GDA: variants seen among roughly 807,000 people sequenced by gnomAD.
GDA encodes guanine deaminase, also known as cytoplasmic PSD-95 interactor.
A neutral mutation model predicts 59.6 loss-of-function variants in GDA; 18 were observed. The observed-to-expected ratio is 0.30, with a 90% CI of 0.21 to 0.45. The LOEUF is 0.45. Ranked by LOEUF, GDA falls within the 20% of genes least tolerant of loss-of-function variation. The probability of loss-of-function intolerance (pLI) is 1.00; values close to 1 mark genes in which losing one functional copy is unlikely to be tolerated. For synonymous variants in GDA, 201 were observed against 201.1 expected (o/e 1.00, Z 0.00); for missense variants, 427 against 552.3 (o/e 0.77, Z 2.27).
chr9:72,158,390 G>A (rs1372165711), intron 1 of GDA, among the ~76,000 whole-genome samples: 2 of 151,966 alleles, frequency 1.3e-5, no homozygotes, highest in Non-Finnish European at 2.9e-5. Flanking sequence ...TCAGGAGATC[G>A]AGACCATCCT....
intron 1 of GDA, among the ~76,000 whole-genome samples, chr9:72,168,499 A>G (rs1034537547): frequency 6.8e-6 from 1 of 146,758 alleles, no homozygotes; most frequent in African/African-American, 2.5e-5. Flanking sequence ...GGTTCAAATG[A>G]TTCTTGTGTC....
intron 7 of GDA, among the ~76,000 whole-genome samples, chr9:72,224,863 G>C: frequency 6.9e-6 from 1 of 144,074 alleles, no homozygotes; most frequent in Admixed American, 7.1e-5. Context: ...AGAAAAGAAT[G>C]ACTTTCTCTA....
At chr9:72,223,039 A>G in intron 6 of GDA, 81 bp from the exon 7 acceptor site, 1 of 775,748 alleles carries the variant, frequency 1.3e-6, no homozygotes, top group Non-Finnish European at 2.2e-6. Flanking sequence ...TCGGTTTTAC[A>G]TTTATGTCTT....
intron 6 of GDA, among the ~76,000 whole-genome samples, chr9:72,222,247 T>A (rs532183257): frequency 6.6e-6 from 1 of 152,306 alleles, no homozygotes; most frequent in South Asian, 2.1e-4. Context: ...TTTAATAATA[T>A]CCATTCTGAC....
intron 6 of GDA, among the ~76,000 whole-genome samples, chr9:72,221,824 C>T (rs549535089): frequency 6.6e-6 from 1 of 152,308 alleles, no homozygotes; most frequent in South Asian, 2.1e-4. Flanking sequence ...ACTTTCCCTT[C>T]CTGCGTTAGT....
chr9:72,192,872 CCTT>C (rs1277346948), intron 1 of GDA, among the ~76,000 whole-genome samples: 1 of 151,304 alleles, frequency 6.6e-6, no homozygotes, highest in African/African-American at 2.5e-5. Flanking sequence ...GAGTGAGACT[CCTT>C]CTCAAAACAA....
intron 12 of GDA, among the ~76,000 whole-genome samples, chr9:72,245,503 G>A (rs1280316796): frequency 6.6e-6 from 1 of 152,174 alleles, no homozygotes; most frequent in African/African-American, 2.4e-5. Context: ...GTATTTGAAT[G>A]TATTTGGCTA....
At chr9:72,206,219 A>G (rs1379719279) in intron 3 of GDA, among the ~76,000 whole-genome samples, 1 of 152,096 alleles carries the variant, frequency 6.6e-6, no homozygotes, top group Non-Finnish European at 1.5e-5. Context: ...TATCTCTATG[A>G]GATGAAGTTG....
At chr9:72,138,796 T>C (rs1826337966) in intron 1 of GDA, among the ~76,000 whole-genome samples, 1 of 152,214 alleles carries the variant, frequency 6.6e-6, no homozygotes, top group Non-Finnish European at 1.5e-5. Context: ...ACCTGGCATA[T>C]ACAAGGCGCT....
chr9:72,121,323 C>T (rs1032983837), intron 1 of GDA, among the ~76,000 whole-genome samples: 6 of 152,028 alleles, frequency 3.9e-5, no homozygotes, highest in African/African-American at 4.8e-5. Flanking sequence ...CTTGGCTGGG[C>T]GCAGTGGCTC....
chr9:72,178,885 T>A (rs1050607493), intron 1 of GDA, among the ~76,000 whole-genome samples: 3 of 152,226 alleles, frequency 2.0e-5, no homozygotes, highest in Non-Finnish European at 4.4e-5. Context: ...TTTGACATTT[T>A]AAAAATTTTC....
At chr9:72,234,537 G>A (rs757741928) in intron 10 of GDA, among the ~76,000 whole-genome samples, 18 of 152,124 alleles carry the variant, frequency 1.2e-4, no homozygotes, top group South Asian at 8.3e-4. Context: ...GATGATAGAA[G>A]GTGTTTGAGG....
chr9:72,170,718 G>C (rs1009139246), intron 1 of GDA, among the ~76,000 whole-genome samples: 2 of 152,196 alleles, frequency 1.3e-5, no homozygotes, highest in Admixed American at 6.5e-5. Flanking sequence ...TTTAAGGAGT[G>C]CTTGCTGTGT....
At chr9:72,146,602 T>C (rs1344013988), upstream of GDA, among the ~76,000 whole-genome samples, 1 of 152,174 alleles carries the variant, frequency 6.6e-6, no homozygotes, top group Non-Finnish European at 1.5e-5. Context: ...GCGATTCTCC[T>C]GCTTCAGCCT....
Position 72,140,626 on chromosome 9 carries a change from A to C in GDA, c.-100+25793A>C, listed in dbSNP as rs576666503. 2.6e-5 allele frequency among the ~76,000 whole-genome samples: 4 copies of C among 152,284 alleles called. No homozygotes were observed. In the East Asian group the frequency reaches 7.7e-4, roughly 29 times the overall value. On this transcript the variant is annotated intron_variant, in intron 1 of 13. Coordinates refer to the GDA transcript ENST00000545168. Reference sequence around the variant, plus strand: ...GTAAAAATTATACATATTAATGATAAAATTGATGTTGTCATATTATGTGTT... The same window carrying C: ...GTAAAAATTATACATATTAATGATACAATTGATGTTGTCATATTATGTGTT...
At chr9:72,184,196 A>G (rs1436906092) in intron 1 of GDA, among the ~76,000 whole-genome samples, 2 of 152,230 alleles carry the variant, frequency 1.3e-5, no homozygotes, top group Admixed American at 1.3e-4. Flanking sequence ...CAACTGATAA[A>G]CCTACATTGT....
chr9:72,179,259 G>A (rs1007409949), intron 1 of GDA, among the ~76,000 whole-genome samples: 3 of 152,160 alleles, frequency 2.0e-5, no homozygotes, highest in Non-Finnish European at 2.9e-5. Context: ...GTCCTGAAAT[G>A]CCACTCTGGT....
rs571970710 is a variant in GDA, at chr9:72,151,204, G to A, written c.123+1522G>A. 1.7e-4 allele frequency among the ~76,000 whole-genome samples: 26 copies of A among 152,284 alleles called. 2 individuals carry two copies. The South Asian group carries it at 5.4e-3, about 32-fold the overall frequency. On this transcript the variant is annotated intron_variant, in intron 1 of 13. Transcript: ENST00000358399. Reference sequence around the variant, plus strand: ...ACACACAATTAGTAGTTGAGTCAGGGAGTCTATTCCTCACTAAAAATCATA... The same window carrying A: ...ACACACAATTAGTAGTTGAGTCAGGAAGTCTATTCCTCACTAAAAATCATA...
At chr9:72,122,952 G>C (rs1244350855) in intron 1 of GDA, among the ~76,000 whole-genome samples, 1 of 152,030 alleles carries the variant, frequency 6.6e-6, no homozygotes, top group African/African-American at 2.4e-5. Flanking sequence ...TTCTTGAAAA[G>C]CTTTTAAATT....
Sources: gnomAD v4.1 joint callset for allele counts (sites outside exome capture counted in the v4.1 genomes callset) on GRCh38, gnomAD v4.1.1 for gene constraint, MANE v1.5 for transcripts, NCBI Gene and HGNC (gene_info 2026-07-23, HGNC 2026-07-21) for gene names.